Variants in ENTREP2 observed in about 807,000 individuals in gnomAD.
ENTREP2 encodes the protein endosomal transmembrane epsin interactor 2.
At chr15:29,657,475 T>TGCGGGGGCAGGGCGGGGCGGGGGGGGGG in the ENTREP2 span, among the ~76,000 whole-genome samples, 2 of 3,808 alleles carry the variant, frequency 5.3e-4, no homozygotes, top group African/African-American at 1.3e-3. Flanking sequence ...CGCTGTCGGC[T>TGCGGGGGCAGGGCGGGGCGGGGGGGGGG]GGGGGGGCGG....
the ENTREP2 span, among the ~76,000 whole-genome samples, chr15:29,663,347 C>G: frequency 6.6e-6 from 1 of 151,976 alleles, no homozygotes; most frequent in East Asian, 2.0e-4. Context: ...TGGAGAAACC[C>G]CATCTCTACT....
the ENTREP2 span, among the ~76,000 whole-genome samples, chr15:29,589,710 C>A: frequency 6.6e-6 from 1 of 152,204 alleles, no homozygotes; most frequent in African/African-American, 2.4e-5. Flanking sequence ...TCCTTCCAGA[C>A]TTTGTCTGCG....
chr15:29,479,678 CATACAT>C, the ENTREP2 span, among the ~76,000 whole-genome samples: 8 of 115,190 alleles, frequency 6.9e-5, no homozygotes, highest in African/African-American at 3.0e-4. Flanking sequence ...CACACACACA[CATACAT>C]ACACACACAC....
At chr15:29,490,395 G>C in the ENTREP2 span, among the ~76,000 whole-genome samples, 2 of 152,224 alleles carry the variant, frequency 1.3e-5, no homozygotes, top group Admixed American at 6.5e-5. Flanking sequence ...CAACATGGAA[G>C]AGAACCCAAA....
the ENTREP2 span, among the ~76,000 whole-genome samples, chr15:29,331,563 C>T: frequency 1.3e-5 from 2 of 152,302 alleles, no homozygotes; most frequent in African/African-American, 4.8e-5. Context: ...GTGCAACTGA[C>T]AGAATTAGAG....
the ENTREP2 span, chr15:29,118,285 A>G: frequency 6.6e-6 from 1 of 152,450 alleles, no homozygotes; most frequent in African/African-American, 2.4e-5. Context: ...CTTCGCGCAT[A>G]TCACTAATAA....
chr15:29,654,469 C>T, the ENTREP2 span, among the ~76,000 whole-genome samples: 5 of 152,260 alleles, frequency 3.3e-5, no homozygotes, highest in African/African-American at 7.2e-5. Flanking sequence ...AAAAGCTGTA[C>T]TGAATCTGGT....
chr15:29,381,685 G>A, the ENTREP2 span: 20,303 of 1,074,070 alleles, frequency 0.019, 553 homozygotes, highest in African/African-American at 0.11. Flanking sequence ...AAAGAAGTTG[G>A]AATTCTCTTC....
At chr15:29,582,633 ATTTATTTTAT>A in the ENTREP2 span, among the ~76,000 whole-genome samples, 1 of 152,086 alleles carries the variant, frequency 6.6e-6, no homozygotes, top group South Asian at 2.1e-4. Flanking sequence ...ATAATCCTGA[ATTTATTTTAT>A]TTTATTTTAT....
At chr15:29,494,272 T>G in the ENTREP2 span, among the ~76,000 whole-genome samples, 1 of 151,980 alleles carries the variant, frequency 6.6e-6, no homozygotes, top group African/African-American at 2.4e-5. Context: ...TTTTTAGAAT[T>G]AGCAATAAAC....
At chr15:29,128,896 C>CT in the ENTREP2 span, 2 of 1,513,934 alleles carry the variant, frequency 1.3e-6, no homozygotes. Flanking sequence ...GTCAAGGCGG[C>CT]TGGTCCGTGG....
At chr15:29,178,433 A>G in the ENTREP2 span, among the ~76,000 whole-genome samples, 2 of 152,034 alleles carry the variant, frequency 1.3e-5, no homozygotes, top group South Asian at 4.1e-4. Context: ...TTCACAATGC[A>G]CCTTTCTTAC....
At chr15:29,450,509 G>T in the ENTREP2 span, among the ~76,000 whole-genome samples, 4 of 152,176 alleles carry the variant, frequency 2.6e-5, no homozygotes, top group Non-Finnish European at 5.9e-5. Flanking sequence ...TGCTTGCTTT[G>T]CAGGTGGGGG....
At chr15:29,615,706 G>C in the ENTREP2 span, among the ~76,000 whole-genome samples, 1 of 151,948 alleles carries the variant, frequency 6.6e-6, no homozygotes, top group Non-Finnish European at 1.5e-5. Context: ...TTTTTCCCCT[G>C]CTCTTGGTTT....
the ENTREP2 span, among the ~76,000 whole-genome samples, chr15:29,634,393 C>T: frequency 2.6e-5 from 4 of 152,130 alleles, no homozygotes; most frequent in Non-Finnish European, 5.9e-5. Flanking sequence ...AGGCTCCGCC[C>T]ACCTCTTCCC....
At chr15:29,449,846 C>T in the ENTREP2 span, among the ~76,000 whole-genome samples, 568 of 152,230 alleles carry the variant, frequency 3.7e-3, 3 homozygotes, top group Middle Eastern at 6.8e-3. Context: ...ATTGGGAAAT[C>T]CTAATATTTA....
chr15:29,510,463 A>G, the ENTREP2 span, among the ~76,000 whole-genome samples: 32 of 152,186 alleles, frequency 2.1e-4, no homozygotes, highest in African/African-American at 7.0e-4. Context: ...TGTTTATTGC[A>G]GCACTATTCA....
At chr15:29,251,340 G>C in the ENTREP2 span, among the ~76,000 whole-genome samples, 1 of 152,186 alleles carries the variant, frequency 6.6e-6, no homozygotes, top group Admixed American at 6.5e-5. Flanking sequence ...TGCAATTTCT[G>C]TCACAGCCAG....
chr15:29,485,372 A>G, the ENTREP2 span, among the ~76,000 whole-genome samples: 1 of 152,150 alleles, frequency 6.6e-6, no homozygotes, highest in Non-Finnish European at 1.5e-5. Context: ...GAGGGTGCAG[A>G]GCAGACTTGA....
Sources: allele counts gnomAD v4.1 joint callset (sites outside exome capture counted in the v4.1 genomes callset), GRCh38; gene constraint gnomAD v4.1.1; transcripts MANE v1.5; gene names NCBI Gene and HGNC (gene_info 2026-07-23, HGNC 2026-07-21).